SMARCAD1: variants seen among roughly 807,000 people sequenced by gnomAD.
SMARCAD1 encodes the protein SWI/SNF-related matrix-associated actin-dependent regulator of chromatin subfamily A containing DEAD/H box 1.
SMARCAD1 carries 25 observed loss-of-function variants against 127.1 expected under a neutral mutation model. The observed-to-expected ratio is 0.20, with a 90% CI of 0.14 to 0.27. SMARCAD1 has a LOEUF of 0.27. Among genes scored for constraint, SMARCAD1 ranks in the 10% least tolerant of loss-of-function variants. The probability of loss-of-function intolerance (pLI) is 1.00; values close to 1 mark genes in which losing one functional copy is unlikely to be tolerated. For synonymous variants in SMARCAD1, 400 were observed against 396.9 expected, an observed-to-expected ratio of 1.01 and a Z score of -0.09; for missense variants, 807 against 1,206.0, an observed-to-expected ratio of 0.67 and a Z score of 4.90.
rs772794075 is a variant in SMARCAD1, at chr4:94,276,434, A to G, written c.1904A>G (p.Asn635Ser). 29 of 1,614,058 alleles carry G rather than the reference A, an allele frequency of 1.8e-5. No homozygotes were observed. The highest frequency in any genetic ancestry group is 2.4e-5 in the Non-Finnish European group (28 of 1,180,036). The change falls in exon 15 of 24, where the codon AAT becomes AGT. Residue 635 changes from asparagine to serine, a missense_variant. By Grantham distance (46) the Asn-to-Ser change is conservative. This residue lies in a region of SMARCAD1 where 148 missense variants were observed against 313.2 expected (regional missense o/e 0.47). Transcript: ENST00000354268. ...TTTGATGAGGGCCATATGCTGAAGA[A>G]TATGGGCTCCATTCGCTACCAGCAC... ...AIFDEGHMLK[N>S]MGSIRYQHLM... is the part of the protein sequence containing the mutation.
chr4:94,227,535 G>GAAAT (rs1745215073), intron 3 of SMARCAD1, among the ~76,000 whole-genome samples: 1 of 152,164 alleles, frequency 6.6e-6, no homozygotes, highest in Admixed American at 6.5e-5. Context: ...GAGCAAGAGA[G>GAAAT]GATTTGTTGC....
At chr4:94,269,176 T>C (rs1315711073) in intron 10 of SMARCAD1, among the ~76,000 whole-genome samples, 1 of 152,188 alleles carries the variant, frequency 6.6e-6, no homozygotes, top group East Asian at 1.9e-4. Flanking sequence ...AGATTCTGAT[T>C]TAAGATGGAC....
intron 9 of SMARCAD1, among the ~76,000 whole-genome samples, chr4:94,263,457 T>C (rs796681171): frequency 4.6e-5 from 7 of 152,120 alleles, no homozygotes; most frequent in African/African-American, 9.6e-5. Context: ...GTGAAAAATA[T>C]AGAGTAGTAT....
At chr4:94,233,065 A>G (rs1318488569) in intron 3 of SMARCAD1, among the ~76,000 whole-genome samples, 1 of 152,248 alleles carries the variant, frequency 6.6e-6, no homozygotes, top group African/African-American at 2.4e-5. Context: ...CATAAAGGAC[A>G]CAACAGAAAT....
chr4:94,284,825 G>T (rs967836298), intron 22 of SMARCAD1, 135 bp from the exon 23 acceptor site: 122 of 624,440 alleles, frequency 2.0e-4, no homozygotes, highest in Non-Finnish European at 5.4e-5. Context: ...AGTCTCAAGT[G>T]GCTTAAATAA....
In SMARCAD1 at chr4:94,208,477, C is replaced by T. The variant is rs772364440; in HGVS notation, c.83C>T (p.Ser28Phe). 1.2e-6 allele frequency: 2 copies of T among 1,614,086 alleles called. No homozygotes were observed. The highest frequency in any genetic ancestry group is 1.3e-5 in the African/African-American group (1 of 75,006). Residue 28 changes from serine (S) to phenylalanine (F), a missense_variant, in exon 2 of 24, where the codon TCC (serine) becomes TTC (phenylalanine). Physicochemically the swap from Ser to Phe is radical, Grantham distance 155. This residue lies in a region of SMARCAD1 where 175 missense variants were observed against 169.5 expected (regional missense o/e 1.03). Coordinates refer to ENST00000354268, the MANE Select transcript of SMARCAD1 (RefSeq NM_020159.5). ...GCGCCCGAAGCAACCCCTCAACCTTCCCAGCCTGGCCCTTCTTCACCAATT... is the reference window on the plus strand; with the variant it reads ...GCGCCCGAAGCAACCCCTCAACCTTTCCAGCCTGGCCCTTCTTCACCAATT... ...EEAPEATPQP[S>F]QPGPSSPISL...
chr4:94,246,925 T>C (rs1350817894), intron 6 of SMARCAD1, among the ~76,000 whole-genome samples: 1 of 152,234 alleles, frequency 6.6e-6, no homozygotes, highest in Non-Finnish European at 1.5e-5. Context: ...GATAACTGCA[T>C]AGCCATATTG....
intron 3 of SMARCAD1, among the ~76,000 whole-genome samples, chr4:94,230,355 T>C (rs1233028522): frequency 6.6e-6 from 1 of 152,164 alleles, no homozygotes; most frequent in Non-Finnish European, 1.5e-5. Context: ...TTTTATTTAC[T>C]TAGCATATAT....
chr4:94,274,465 C>T (rs1248646353), intron 12 of SMARCAD1, among the ~76,000 whole-genome samples: 15 of 152,126 alleles, frequency 9.9e-5, no homozygotes, highest in Admixed American at 4.6e-4. Context: ...TACAGGCGCC[C>T]GCCACCATGC....
rs1425505009 is a variant in SMARCAD1 at position 94,208,524 on chromosome 4, A to G, written c.130A>G (p.Asn44Asp). 1 of 1,614,144 alleles carries G rather than the reference A, an allele frequency of 6.2e-7. No homozygotes were observed. Among genetic ancestry groups the G allele is most frequent in the Non-Finnish European group, 8.5e-7 (1 of 1,180,026 alleles). ...SPISLSAEEE[N>D]AEGEVSRANT... ...AATTTCTCTTAGTGCTGAAGAGGAG[A>G]ATGCTGAAGGGGAAGTTAGCAGGGC... is the stretch of plus-strand genomic sequence containing the variant. The change falls in exon 2 of 24, where the codon AAT becomes GAT. Residue 44 changes from asparagine to aspartate, a missense_variant. This residue lies in a region of SMARCAD1 where 175 missense variants were observed against 169.5 expected (regional missense o/e 1.03). Transcript: ENST00000354268.
chr4:94,243,494 A>G (rs1275542567), intron 6 of SMARCAD1, among the ~76,000 whole-genome samples: 2 of 152,150 alleles, frequency 1.3e-5, no homozygotes, highest in Admixed American at 6.5e-5. Context: ...TGGTCATTTG[A>G]TGTTCTGTGG....
chr4:94,275,800 T>TATTTTATTTTA (rs1309423240), intron 14 of SMARCAD1, among the ~76,000 whole-genome samples: 30 of 141,232 alleles, frequency 2.1e-4, no homozygotes, highest in Non-Finnish European at 2.8e-4. Context: ...CATTTTCTTT[T>TATTTTATTTTA]TTTTTTTTTT....
rs922544724 is a variant in SMARCAD1 at position 94,227,223 on chromosome 4, G to A, written c.368+927G>A. Among the ~76,000 whole-genome samples, 6 of 152,046 alleles carry A rather than the reference G, an allele frequency of 3.9e-5. No individual in the cohort carries two copies. In the East Asian group the frequency reaches 5.8e-4, roughly 15 times the overall value. Reference sequence around the variant, plus strand: ...GAGGAAAGTGGGAGGGACATGATGCGGAGTGAAGGATCTGAAGCCATAGTG... The same window carrying A: ...GAGGAAAGTGGGAGGGACATGATGCAGAGTGAAGGATCTGAAGCCATAGTG... On this transcript the variant is annotated intron_variant, in intron 3 of 23. Transcript: ENST00000354268.
chr4:94,213,985 A>G (rs1742720624), intron 2 of SMARCAD1, among the ~76,000 whole-genome samples: 2 of 152,138 alleles, frequency 1.3e-5, no homozygotes, highest in Admixed American at 1.3e-4. Flanking sequence ...GATGACTAGA[A>G]TAGTCATAGA....
At chr4:94,263,976 C>T (rs889767924) in intron 9 of SMARCAD1, among the ~76,000 whole-genome samples, 5 of 151,820 alleles carry the variant, frequency 3.3e-5, no homozygotes, top group African/African-American at 1.2e-4. Context: ...TATTCAGTGC[C>T]TCCTTTTGAA....
At chr4:94,213,519 C>T (rs1353261013) in intron 2 of SMARCAD1, among the ~76,000 whole-genome samples, 5 of 151,484 alleles carry the variant, frequency 3.3e-5, no homozygotes, top group Admixed American at 6.6e-5. Flanking sequence ...GTGTCAGGGA[C>T]GGTAGATCTT....
intron 2 of SMARCAD1, among the ~76,000 whole-genome samples, chr4:94,209,187 G>T (rs137934376): frequency 3.3e-5 from 5 of 152,308 alleles, no homozygotes; most frequent in African/African-American, 1.2e-4. Context: ...ATTTCCACTC[G>T]AATCTATGTT....
chr4:94,267,973 AAATG>A (rs1751984933), intron 10 of SMARCAD1, among the ~76,000 whole-genome samples: 1 of 152,188 alleles, frequency 6.6e-6, no homozygotes, highest in Non-Finnish European at 1.5e-5. Flanking sequence ...TTGTTATAAT[AAATG>A]GGTTCAGAGT....
At position 94,282,392 on chromosome 4, in the gene SMARCAD1, G is replaced by A. The variant is rs1052724063; in HGVS notation, c.2727-729G>A. ...ATTACAGGCGTGAGCCACCGCGCCC[G>A]GCGCAAATACGTTTTGAAACAGCTA... is the stretch of plus-strand genomic sequence containing the variant. On this transcript the variant is annotated intron_variant, in intron 21 of 23. Coordinates refer to ENST00000354268, the MANE Select transcript of SMARCAD1 (RefSeq NM_020159.5). Among the ~76,000 whole-genome samples the A allele has an allele frequency of 5.3e-5, 8 of 151,870 alleles. No individual in the cohort carries two copies. The East Asian group carries it at 7.9e-4, about 15-fold the overall frequency.
Sources: allele counts gnomAD v4.1 joint callset (sites outside exome capture counted in the v4.1 genomes callset), GRCh38; gene constraint gnomAD v4.1.1; regional missense constraint gnomAD v4.1.1; transcripts MANE v1.5; gene names NCBI Gene and HGNC (gene_info 2026-07-23, HGNC 2026-07-21).